The following DOT1L variants were observed in gnomAD, a reference collection of about 807,000 sequenced individuals.
The protein encoded by DOT1L is histone-lysine N-methyltransferase, H3 lysine-79 specific.
DOT1L carries 33 observed loss-of-function variants against 153.3 expected under a neutral mutation model. That is an observed-to-expected ratio of 0.22 (90% CI 0.16 to 0.29). The LOEUF is 0.29. DOT1L is among the 10% of genes least tolerant of loss of function. DOT1L has a pLI of 1.00. For missense variants in DOT1L, 1,847 were observed against 2,119.9 expected (o/e 0.87, Z 2.53); for synonymous variants, 1,135 against 965.1 (o/e 1.18, Z -3.26).
chr19:2,229,979 T>C lies in DOT1L; in HGVS notation c.*187T>C. 1.2e-6 allele frequency: 1 copy of C among 807,640 alleles called. No individual in the cohort carries two copies. Among genetic ancestry groups the C allele is most frequent in the Non-Finnish European group, 1.9e-6 (1 of 516,990 alleles). The allele number at this position is 807,640 out of a possible 1,614,324, so 50.0% of individuals were successfully genotyped here. On this transcript the variant is annotated 3_prime_UTR_variant, in exon 28 of 28. Coordinates refer to ENST00000398665, the MANE Select transcript of DOT1L (RefSeq NM_032482.3). ...GGACTGGTCCAGTTTGTACTGTCGA[T>C]AGTTTTAGATAAAGTATTTATCATT...
In DOT1L at chr19:2,227,556, GGGGGGCC is replaced by G. The variant is rs1033012156; in HGVS notation, c.4606+432_4606+438del. 8 of 653,414 alleles carry G rather than the reference GGGGGGCC, an allele frequency of 1.2e-5. No homozygotes were observed. The African/African-American group carries it at 1.4e-4, about 11-fold the overall frequency. 40.5% of individuals were successfully genotyped at this position (653,414 alleles called of 1,614,324 possible). A position where few individuals can be genotyped will look rare whatever the true frequency, so the allele number is the denominator to read the frequency against. On this transcript the variant is annotated intron_variant, in intron 27 of 27. Transcript: ENST00000398665. ...CCTGGCCCTGGGGCTGCTGCGGGGC[GGGGGGCC>G]GGAGGGCGGAGGGCGGGCCACCACG...
chr19:2,187,877 G>T (rs190873373), intron 3 of DOT1L, among the ~76,000 whole-genome samples: 8 of 150,398 alleles, frequency 5.3e-5, no homozygotes, highest in Non-Finnish European at 8.9e-5. Flanking sequence ...AGCTGAGATC[G>T]CGCCACCGCA....
In DOT1L at chr19:2,210,096, G is replaced by T. The variant is rs910968465; in HGVS notation, c.1006-304G>T. Among the ~76,000 whole-genome samples, 3 of 152,238 alleles carry T rather than the reference G, an allele frequency of 2.0e-5. 1 individual carries two copies. The highest frequency in any genetic ancestry group is 6.3e-3 in the Middle Eastern group (2 of 316). ...CTGCCTGAGGGGCTTCTCGTCTCCT[G>T]TCTTGGATGTGGTTCTTTTTCTCTG... is the stretch of plus-strand genomic sequence containing the variant. On this transcript the variant is annotated intron_variant, in intron 12 of 27. Transcript: ENST00000398665.
chr19:2,184,152 G>A (rs576956159), intron 2 of DOT1L, among the ~76,000 whole-genome samples: 15 of 152,224 alleles, frequency 9.9e-5, no homozygotes, highest in African/African-American at 2.2e-4. Context: ...TGCGCTGGCC[G>A]GAACCTCCTG....
intron 1 of DOT1L, among the ~76,000 whole-genome samples, chr19:2,173,711 A>G (rs1681109287): frequency 6.6e-6 from 1 of 152,126 alleles, no homozygotes; most frequent in Non-Finnish European, 1.5e-5. Context: ...AGACCCATAG[A>G]TGCTCTGTGT....
At chr19:2,166,794 C>G (rs1448851135) in intron 1 of DOT1L, among the ~76,000 whole-genome samples, 1 of 152,210 alleles carries the variant, frequency 6.6e-6, no homozygotes, top group Non-Finnish European at 1.5e-5. Context: ...TACGTTTTGA[C>G]AAACTCATTG....
chr19:2,225,695 C>A (rs2024299999), intron 26 of DOT1L, among the ~76,000 whole-genome samples: 1 of 152,106 alleles, frequency 6.6e-6, no homozygotes, highest in African/African-American at 2.4e-5. Context: ...CCTCCGCGCA[C>A]ACGCCATGCT....
At chr19:2,167,333 G>A (rs1244111529) in intron 1 of DOT1L, among the ~76,000 whole-genome samples, 1 of 152,250 alleles carries the variant, frequency 6.6e-6, no homozygotes, top group Non-Finnish European at 1.5e-5. Context: ...GGTCTTGCCA[G>A]GGACCCTTTG....
intron 1 of DOT1L, among the ~76,000 whole-genome samples, chr19:2,176,722 A>G (rs1284286783): frequency 6.6e-6 from 1 of 152,236 alleles, no homozygotes; most frequent in Non-Finnish European, 1.5e-5. Context: ...ACTGCCAGCC[A>G]GACATGCAGC....
intron 1 of DOT1L, among the ~76,000 whole-genome samples, chr19:2,174,093 C>T (rs1465316964): frequency 4.6e-5 from 7 of 152,190 alleles, no homozygotes; most frequent in East Asian, 1.9e-4. Flanking sequence ...AAAGTGCTAG[C>T]ACTACAGGCG....
intron 1 of DOT1L, 46 bp from the exon 2 acceptor site, chr19:2,180,667 G>C (rs762975439): frequency 8.7e-6 from 14 of 1,611,116 alleles, no homozygotes; most frequent in Non-Finnish European, 1.2e-5. Flanking sequence ...ATGGGCTCAC[G>C]GGGTGGAGGA....
In DOT1L at chr19:2,229,865, C is replaced by T. The variant is rs145796620; in HGVS notation, c.*73C>T. ...CTCGCGCCCGCGGCATGGTGCCCGC[C>T]GGCCTGCCGGGCTCCCACCCCTGGA... On this transcript the variant is annotated 3_prime_UTR_variant, in exon 28 of 28. Transcript: ENST00000398665. 9.7e-3 allele frequency: 15,673 copies of T among 1,610,740 alleles called. 85 individuals carry two copies. The highest frequency in any genetic ancestry group is 0.02 in the Middle Eastern group (119 of 6,020).
intron 3 of DOT1L, among the ~76,000 whole-genome samples, chr19:2,188,600 T>A (rs1258692426): frequency 6.7e-6 from 1 of 149,718 alleles, no homozygotes; most frequent in Non-Finnish European, 1.5e-5. Flanking sequence ...GGTCCCTGCC[T>A]CCATCTCTTG....
At chr19:2,225,290 C>T in intron 25 of DOT1L, 98 bp from the exon 26 acceptor site, 1 of 1,235,280 alleles carries the variant, frequency 8.1e-7, no homozygotes, top group Non-Finnish European at 1.2e-6. Flanking sequence ...TTCTCGTTCA[C>T]CACCTCCGGA....
At chr19:2,195,354 G>A (rs765544582) in intron 7 of DOT1L, among the ~76,000 whole-genome samples, 1 of 152,158 alleles carries the variant, frequency 6.6e-6, no homozygotes, top group Non-Finnish European at 1.5e-5. Context: ...TCCTTGACCT[G>A]TGTGCTCCTC....
At chr19:2,173,876 G>C (rs1471174493) in intron 1 of DOT1L, among the ~76,000 whole-genome samples, 1 of 152,214 alleles carries the variant, frequency 6.6e-6, no homozygotes, top group East Asian at 1.9e-4. Context: ...CTGTGTGGGT[G>C]GCCTCAGCCC....
intron 1 of DOT1L, among the ~76,000 whole-genome samples, chr19:2,164,717 A>G (rs941186084): frequency 6.6e-6 from 1 of 150,756 alleles, no homozygotes; most frequent in Non-Finnish European, 1.5e-5. Context: ...CGCTTTTCCT[A>G]CTCGGGCACG....
chr19:2,164,378 A>T (rs2019827197), intron 1 of DOT1L, 113 bp downstream of exon 1: 9 of 640,474 alleles, frequency 1.4e-5, no homozygotes, highest in African/African-American at 3.9e-5. Context: ...CGGAACGGAG[A>T]CCCTGGACTC....
In DOT1L at chr19:2,231,039, G is replaced by A. The variant is rs910377229; in HGVS notation, c.*1247G>A. 3.0e-4 allele frequency: 71 copies of A among 236,046 alleles called. No individual in the cohort carries two copies. The highest frequency in any genetic ancestry group is 1.5e-4 in the Non-Finnish European group (18 of 120,364). 14.6% of individuals were successfully genotyped at this position (236,046 alleles called of 1,614,324 possible). On this transcript the variant is annotated 3_prime_UTR_variant, in exon 28 of 28. Coordinates refer to ENST00000398665, the MANE Select transcript of DOT1L (RefSeq NM_032482.3). ...CACTCTGCAGCCTTGGCGGGTGCCT[G>A]GGACTGGGTGTGGAAGGAGAGGAGC...
Sources: gnomAD v4.1 joint callset for allele counts (sites outside exome capture counted in the v4.1 genomes callset) on GRCh38, gnomAD v4.1.1 for gene constraint, MANE v1.5 for transcripts, NCBI Gene and HGNC (gene_info 2026-07-23, HGNC 2026-07-21) for gene names.